ST8SIA6: variants seen among roughly 807,000 people sequenced by gnomAD.
The protein encoded by ST8SIA6 is alpha-2,8-sialyltransferase 8F.
In ST8SIA6, 39 loss-of-function variants were observed where a neutral mutation model predicts 33.6. That is an observed-to-expected ratio of 1.16 (90% CI 0.90 to 1.52). The LOEUF is 1.52. Among genes scored for constraint, ST8SIA6 ranks in the 40% most tolerant of loss-of-function variants. The pLI, the probability that ST8SIA6 is intolerant of heterozygous loss-of-function variation, is 0.00. For missense variants in ST8SIA6, 441 were observed against 443.8 expected (o/e 0.99, Z 0.06); for synonymous variants, 172 against 167.2 (o/e 1.03, Z -0.22).
At chr10:17,354,445 CAAGCTTTTAA>C (rs1459613027) in intron 4 of ST8SIA6, among the ~76,000 whole-genome samples, 1 of 152,102 alleles carries the variant, frequency 6.6e-6, no homozygotes, top group Non-Finnish European at 1.5e-5. Context: ...GAGAATCAAT[CAAGCTTTTAA>C]AAGCAGAAAA....
At chr10:17,325,553 T>C (rs1389904623) in intron 6 of ST8SIA6, among the ~76,000 whole-genome samples, 2 of 151,714 alleles carry the variant, frequency 1.3e-5, no homozygotes, top group Admixed American at 1.3e-4. Context: ...GTAGTATATA[T>C]AGTCATTGCC....
chr10:17,442,218 T>C (rs1173083570), intron 2 of ST8SIA6, among the ~76,000 whole-genome samples: 1 of 152,198 alleles, frequency 6.6e-6, no homozygotes, highest in Non-Finnish European at 1.5e-5. Flanking sequence ...AAACACACTC[T>C]TAAGGAAAAT....
chr10:17,348,449 A>G (rs1328720853), intron 4 of ST8SIA6, among the ~76,000 whole-genome samples: 1 of 152,194 alleles, frequency 6.6e-6, no homozygotes, highest in African/African-American at 2.4e-5. Context: ...TCAATTTACC[A>G]GGCCAAGTCC....
chr10:17,317,828 C>T lies in ST8SIA6; in HGVS notation c.*3050G>A, dbSNP rs546802246. 6.6e-6 allele frequency among the ~76,000 whole-genome samples: 1 copy of T among 152,306 alleles called. No homozygotes were observed. The highest frequency in any genetic ancestry group is 2.4e-5 in the African/African-American group (1 of 41,564). ...GACTGATTACCTGGCTGAGAGCCCA[C>T]GCAGTTACTGGGTTAGGACTTACAT... On this transcript the variant is annotated 3_prime_UTR_variant, in exon 8 of 8. Transcript: ENST00000377602.
At chr10:17,436,794 C>T (rs1023862097) in intron 2 of ST8SIA6, among the ~76,000 whole-genome samples, 7 of 151,784 alleles carry the variant, frequency 4.6e-5, no homozygotes, top group Admixed American at 3.3e-4. Context: ...TGGGTTGGTT[C>T]CAAGTCTTTG....
At chr10:17,378,228 A>C (rs1337509597) in intron 3 of ST8SIA6, among the ~76,000 whole-genome samples, 1 of 152,230 alleles carries the variant, frequency 6.6e-6, no homozygotes, top group Non-Finnish European at 1.5e-5. Flanking sequence ...GTTGATGCAC[A>C]TCAAAGAGTT....
chr10:17,423,600 A>T (rs775685065), intron 2 of ST8SIA6, among the ~76,000 whole-genome samples: 2 of 152,174 alleles, frequency 1.3e-5, no homozygotes, highest in Admixed American at 1.3e-4. Flanking sequence ...CATTGTCTCT[A>T]GATGCTCTTC....
At chr10:17,330,965 T>C (rs921075042) in intron 5 of ST8SIA6, among the ~76,000 whole-genome samples, 1 of 152,230 alleles carries the variant, frequency 6.6e-6, no homozygotes, top group Admixed American at 6.5e-5. Context: ...CTCTATCTTA[T>C]GGTGGGTACG....
At chr10:17,356,589 T>C (rs766063262) in intron 4 of ST8SIA6, among the ~76,000 whole-genome samples, 6 of 152,216 alleles carry the variant, frequency 3.9e-5, no homozygotes, top group African/African-American at 9.6e-5. Context: ...GGTTTCACCA[T>C]GTTGGCCAGG....
At chr10:17,377,259 C>G (rs1849949872) in intron 3 of ST8SIA6, among the ~76,000 whole-genome samples, 1 of 152,088 alleles carries the variant, frequency 6.6e-6, no homozygotes, top group African/African-American at 2.4e-5. Flanking sequence ...ACTACCTACC[C>G]AAATCCTATA....
chr10:17,374,112 C>CAG (rs1244508862), intron 3 of ST8SIA6, among the ~76,000 whole-genome samples: 1 of 141,486 alleles, frequency 7.1e-6, no homozygotes, highest in African/African-American at 2.6e-5. Flanking sequence ...CACACACACA[C>CAG]ACGGGAAAAG....
At chr10:17,347,796 G>C (rs924498635) in intron 4 of ST8SIA6, among the ~76,000 whole-genome samples, 1 of 151,740 alleles carries the variant, frequency 6.6e-6, no homozygotes, top group East Asian at 1.9e-4. Context: ...TTAGCCGGGC[G>C]TGGTGGCACG....
chr10:17,367,588 T>A (rs1243268553), intron 3 of ST8SIA6, among the ~76,000 whole-genome samples: 1 of 152,164 alleles, frequency 6.6e-6, no homozygotes, highest in African/African-American at 2.4e-5. Flanking sequence ...AGTCTGATAT[T>A]TAAGAGTTTT....
At chr10:17,331,918 T>G (rs530262865) in intron 4 of ST8SIA6, among the ~76,000 whole-genome samples, 1 of 152,304 alleles carries the variant, frequency 6.6e-6, no homozygotes, top group African/African-American at 2.4e-5. Flanking sequence ...CCACATGCAT[T>G]AGGTATTTGT....
At chr10:17,449,286 A>G (rs995505139) in intron 2 of ST8SIA6, among the ~76,000 whole-genome samples, 2 of 152,172 alleles carry the variant, frequency 1.3e-5, no homozygotes, top group African/African-American at 4.8e-5. Context: ...AAATATATAT[A>G]AATTGAGAAA....
At chr10:17,342,551 G>A (rs754121273) in intron 4 of ST8SIA6, among the ~76,000 whole-genome samples, 1 of 152,212 alleles carries the variant, frequency 6.6e-6, no homozygotes, top group Non-Finnish European at 1.5e-5. Context: ...ACATGGCTGC[G>A]AGGTTTTTAC....
chr10:17,321,891 T>A (rs983223332), intron 7 of ST8SIA6, among the ~76,000 whole-genome samples: 24 of 151,970 alleles, frequency 1.6e-4, no homozygotes, highest in Admixed American at 7.9e-4. Flanking sequence ...AGGCCAGGAG[T>A]TCGAGAACAG....
intron 4 of ST8SIA6, among the ~76,000 whole-genome samples, chr10:17,352,516 G>T (rs549390486): frequency 6.6e-6 from 1 of 152,242 alleles, no homozygotes; most frequent in African/African-American, 2.4e-5. Flanking sequence ...GACATGGCAA[G>T]CAATGTTGTA....
chr10:17,405,687 GC>G (rs1564448996), intron 2 of ST8SIA6, among the ~76,000 whole-genome samples: 1 of 151,346 alleles, frequency 6.6e-6, no homozygotes, highest in African/African-American at 2.4e-5. Flanking sequence ...TTCAAGACCA[GC>G]CTGGCCAACA....
Sources: allele counts gnomAD v4.1 joint callset (sites outside exome capture counted in the v4.1 genomes callset), GRCh38; gene constraint gnomAD v4.1.1; transcripts MANE v1.5; gene names NCBI Gene and HGNC (gene_info 2026-07-23, HGNC 2026-07-21).